Variants in CEP89 observed in about 807,000 individuals in gnomAD.
The protein encoded by CEP89 is centrosomal protein of 89 kDa.
CEP89 carries 95 observed loss-of-function variants against 97.6 expected under a neutral mutation model. The observed-to-expected ratio is 0.97, with a 90% confidence interval of 0.82 to 1.15. The LOEUF is 1.15. Ranked by LOEUF, CEP89 falls within the 50% of genes most tolerant of loss-of-function variation. The probability of loss-of-function intolerance (pLI) is 0.00; values close to 1 mark genes in which losing one functional copy is unlikely to be tolerated. For synonymous variants in CEP89, 354 were observed against 349.1 expected (o/e 1.01, Z -0.16); for missense variants, 869 against 947.7 (o/e 0.92, Z 1.09).
In CEP89 at chr19:32,953,636, G is replaced by A. The variant is rs766868554; in HGVS notation, c.471C>T (p.Tyr157=). The A allele has an allele frequency of 2.8e-5, 45 of 1,613,304 alleles. No individual in the cohort carries two copies. In the East Asian group the frequency reaches 2.9e-4, roughly 10 times the overall value. The part of the protein sequence containing the change: ...EDRGGHSDDL[Y]AVPHRNQVPL... ...ACACCTGATTTCTGTGTGGCACAGC[G>A]TACAGGTCATCACTGTGGCCTCCTC... The change falls in exon 4 of 19, where the codon TAC becomes TAT. Residue 157 remains tyrosine (Y), a synonymous_variant. Transcript: ENST00000305768.
chr19:32,951,690 C>A (rs1268903930), intron 4 of CEP89, among the ~76,000 whole-genome samples: 1 of 151,878 alleles, frequency 6.6e-6, no homozygotes, highest in Non-Finnish European at 1.5e-5. Context: ...GGGGACAAGG[C>A]AACATCTACC....
intron 12 of CEP89, among the ~76,000 whole-genome samples, chr19:32,920,846 G>A (rs569730499): frequency 4.3e-4 from 65 of 152,022 alleles, no homozygotes; most frequent in Non-Finnish European, 8.5e-4. Context: ...AGTGATTCAG[G>A]GGGAGTTAGG....
At chr19:32,927,923 T>C (rs1200179345) in intron 9 of CEP89, among the ~76,000 whole-genome samples, 1 of 146,680 alleles carries the variant, frequency 6.8e-6, no homozygotes, top group Non-Finnish European at 1.5e-5. Context: ...TTTTTTCTTT[T>C]TTTTTTTTTT....
intron 12 of CEP89, among the ~76,000 whole-genome samples, chr19:32,919,507 A>G (rs1468883729): frequency 2.0e-5 from 3 of 152,202 alleles, no homozygotes; most frequent in Admixed American, 2.0e-4. Flanking sequence ...AGTGGTGTGC[A>G]CTGGCTCCTG....
At chr19:32,909,655 A>G (rs920212087) in intron 14 of CEP89, among the ~76,000 whole-genome samples, 3 of 152,248 alleles carry the variant, frequency 2.0e-5, no homozygotes, top group Non-Finnish European at 2.9e-5. Flanking sequence ...AAACATGATT[A>G]CCAGAATTTA....
At chr19:32,940,385 G>A (rs937297303) in intron 5 of CEP89, among the ~76,000 whole-genome samples, 16 of 144,432 alleles carry the variant, frequency 1.1e-4, no homozygotes, top group Middle Eastern at 3.6e-3. Flanking sequence ...TCCCCATCAC[G>A]CTCTACACAT....
At chr19:32,942,867 T>G (rs1302529953) in intron 5 of CEP89, among the ~76,000 whole-genome samples, 7 of 145,456 alleles carry the variant, frequency 4.8e-5, no homozygotes, top group Non-Finnish European at 1.5e-5. Flanking sequence ...TTTTTTTTTT[T>G]GAGACAGGGT....
chr19:32,933,755 A>G (rs1253477263), intron 7 of CEP89, 86 bp from the exon 8 acceptor site: 1 of 882,108 alleles, frequency 1.1e-6, no homozygotes, highest in South Asian at 1.5e-5. Flanking sequence ...TCCAAAAACC[A>G]CATCAGGCCT....
chr19:32,931,656 C>A, intron 8 of CEP89, 85 bp from the exon 9 acceptor site: 1 of 1,141,406 alleles, frequency 8.8e-7, no homozygotes, highest in Non-Finnish European at 1.2e-6. Flanking sequence ...GTTTGCTTTT[C>A]TCCCCTCTTT....
chr19:32,962,181 GT>G (rs958487731), intron 2 of CEP89, among the ~76,000 whole-genome samples: 4 of 152,166 alleles, frequency 2.6e-5, no homozygotes, highest in Non-Finnish European at 4.4e-5. Context: ...TATGGGGGTG[GT>G]TTCCCCCATC....
Sources: allele counts gnomAD v4.1 joint callset (sites outside exome capture counted in the v4.1 genomes callset), GRCh38; gene constraint gnomAD v4.1.1; transcripts MANE v1.5; gene names NCBI Gene and HGNC (gene_info 2026-07-23, HGNC 2026-07-21).